Variants in UNC5C observed in about 807,000 individuals in gnomAD.
UNC5C encodes netrin receptor UNC5C.
Under a neutral mutation model 99.8 loss-of-function variants are expected in UNC5C, and 47 were observed. That is an observed-to-expected ratio of 0.47 (90% CI 0.37 to 0.60). The LOEUF (loss-of-function observed/expected upper bound fraction) is 0.60, where lower values mean the gene tolerates loss of function less well. Among genes scored for constraint, UNC5C ranks in the 20% least tolerant of loss-of-function variants. The probability of loss-of-function intolerance (pLI) is 0.00; values close to 1 mark genes in which losing one functional copy is unlikely to be tolerated. For missense variants in UNC5C, 1,062 were observed against 1,165.9 expected (o/e 0.91, Z 1.30); for synonymous variants, 487 against 452.2 (o/e 1.08, Z -0.98).
intron 1 of UNC5C, among the ~76,000 whole-genome samples, chr4:95,392,711 G>T (rs1268571546): frequency 6.6e-6 from 1 of 152,048 alleles, no homozygotes; most frequent in Non-Finnish European, 1.5e-5. Flanking sequence ...AAAGTGGTGG[G>T]ATTACAGGTA....
intron 1 of UNC5C, among the ~76,000 whole-genome samples, chr4:95,349,600 A>G (rs1743911577): frequency 6.6e-6 from 1 of 151,700 alleles, no homozygotes; most frequent in African/African-American, 2.4e-5. Context: ...AGATAGAGAA[A>G]TAAAATATTC....
intron 14 of UNC5C, 137 bp downstream of exon 14, chr4:95,182,760 T>C: frequency 1.2e-6 from 1 of 867,270 alleles, no homozygotes; most frequent in Non-Finnish European, 1.6e-6. Context: ...AATATTATTC[T>C]ATTAACAAAT....
intron 1 of UNC5C, among the ~76,000 whole-genome samples, chr4:95,442,742 C>A (rs562252536): frequency 6.6e-6 from 1 of 151,958 alleles, no homozygotes; most frequent in Admixed American, 6.6e-5. Flanking sequence ...TAATAATGCG[C>A]CAAATAATTA....
At chr4:95,390,927 A>T (rs1745338911) in intron 1 of UNC5C, among the ~76,000 whole-genome samples, 1 of 152,154 alleles carries the variant, frequency 6.6e-6, no homozygotes, top group Non-Finnish European at 1.5e-5. Flanking sequence ...CTCAAATCTC[A>T]TCTTAAATTG....
chr4:95,518,680 A>G (rs1722275863), intron 1 of UNC5C, among the ~76,000 whole-genome samples: 1 of 152,214 alleles, frequency 6.6e-6, no homozygotes, highest in African/African-American at 2.4e-5. Context: ...TCTTTAAGAT[A>G]CATGTTTTCA....
rs577378007 is a variant in UNC5C at position 95,506,565 on chromosome 4, T to A, written c.124+42169A>T. Among the ~76,000 whole-genome samples, 155 of 152,066 alleles carry A rather than the reference T, an allele frequency of 1.0e-3. 1 individual carries two copies. The highest frequency in any genetic ancestry group is 3.4e-3 in the African/African-American group (142 of 41,530). ...TATATGACGTGTTACTTTACATTTT[T>A]AAAAAAGTCGTCATGTTGAGTAAGG... On this transcript the variant is annotated intron_variant, in intron 1 of 15. Transcript: ENST00000453304.
At chr4:95,422,590 CA>C (rs1225122157) in intron 1 of UNC5C, among the ~76,000 whole-genome samples, 1 of 152,108 alleles carries the variant, frequency 6.6e-6, no homozygotes, top group Non-Finnish European at 1.5e-5. Flanking sequence ...TGCAAACTGA[CA>C]ATTCTGCAAC....
chr4:95,532,197 T>G (rs1336387285), intron 1 of UNC5C, among the ~76,000 whole-genome samples: 1 of 152,168 alleles, frequency 6.6e-6, no homozygotes, highest in Non-Finnish European at 1.5e-5. Flanking sequence ...AGTCTGAAGT[T>G]AGAGATGGAT....
chr4:95,445,399 G>A lies in UNC5C; in HGVS notation c.124+103335C>T, dbSNP rs528722373. 4.5e-4 allele frequency among the ~76,000 whole-genome samples: 68 copies of A among 151,904 alleles called. No individual in the cohort carries two copies. The South Asian group carries it at 0.014, about 31-fold the overall frequency. On this transcript the variant is annotated intron_variant, in intron 1 of 15. Transcript: ENST00000453304. ...GGGAATGCAGCTGAATGCAGTTTAG[G>A]TTTCTGTTCCGTTCGGATTCAGCTG...
chr4:95,297,218 G>C (rs750599981), intron 3 of UNC5C, among the ~76,000 whole-genome samples: 12 of 152,104 alleles, frequency 7.9e-5, no homozygotes, highest in Non-Finnish European at 2.9e-5. Context: ...CCCAACCATT[G>C]CCTTTATTCC....
At position 95,168,680 on chromosome 4, in the gene UNC5C, A is replaced by G. The variant is rs149520506; in HGVS notation, c.*554T>C. ...TGGTTCTACAAGTTCTAGAAACAGA[A>G]CACTGATGGGAGGATTATCTGAGAC... On this transcript the variant is annotated 3_prime_UTR_variant, in exon 16 of 16. Transcript: ENST00000453304. The G allele has an allele frequency of 6.7e-3, 1,024 of 153,084 alleles. 7 individuals carry two copies. The highest frequency in any genetic ancestry group is 0.01 in the Non-Finnish European group (684 of 68,274). The allele number at this position is 153,084 out of a possible 1,614,324, so 9.5% of individuals were successfully genotyped here. A position where few individuals can be genotyped will look rare whatever the true frequency, so the allele number is the denominator to read the frequency against.
chr4:95,481,736 C>A (rs1721162695), intron 1 of UNC5C, among the ~76,000 whole-genome samples: 1 of 152,074 alleles, frequency 6.6e-6, no homozygotes, highest in Non-Finnish European at 1.5e-5. Flanking sequence ...TTTGACGAAC[C>A]TGAGAAAAAC....
At chr4:95,435,530 G>A (rs1330060186) in intron 1 of UNC5C, among the ~76,000 whole-genome samples, 1 of 152,054 alleles carries the variant, frequency 6.6e-6, no homozygotes. Context: ...GAGGAACAAT[G>A]TGTGACTATA....
intron 7 of UNC5C, among the ~76,000 whole-genome samples, chr4:95,240,310 C>T (rs1025520489): frequency 2.0e-5 from 3 of 152,080 alleles, no homozygotes; most frequent in South Asian, 2.1e-4. Context: ...AAGACTTTGG[C>T]AGTAATGCTG....
chr4:95,461,898 T>C (rs879447884), intron 1 of UNC5C, among the ~76,000 whole-genome samples: 5 of 152,230 alleles, frequency 3.3e-5, no homozygotes, highest in Non-Finnish European at 5.9e-5. Flanking sequence ...TTTACCCAAA[T>C]AAAATGAAAC....
intron 7 of UNC5C, among the ~76,000 whole-genome samples, chr4:95,226,969 A>G (rs1012062780): frequency 3.9e-5 from 6 of 152,114 alleles, no homozygotes; most frequent in African/African-American, 1.4e-4. Context: ...CTTGATAACA[A>G]CTTTCAAAAT....
intron 3 of UNC5C, among the ~76,000 whole-genome samples, chr4:95,279,979 G>A (rs962286723): frequency 1.3e-5 from 2 of 152,142 alleles, no homozygotes; most frequent in Non-Finnish European, 2.9e-5. Context: ...AGTTCACATA[G>A]GGTTCATGCT....
chr4:95,310,652 T>G (rs1742243324), intron 2 of UNC5C, among the ~76,000 whole-genome samples: 1 of 152,156 alleles, frequency 6.6e-6, no homozygotes, highest in Non-Finnish European at 1.5e-5. Flanking sequence ...CTTGGAAGCA[T>G]TTCTAGGTCA....
intron 2 of UNC5C, among the ~76,000 whole-genome samples, chr4:95,321,841 T>C (rs565536866): frequency 1.3e-5 from 2 of 152,208 alleles, no homozygotes; most frequent in Non-Finnish European, 2.9e-5. Flanking sequence ...TCAGATTAAC[T>C]CAGTGAAACA....
Sources: gnomAD v4.1 joint callset for allele counts (sites outside exome capture counted in the v4.1 genomes callset) on GRCh38, gnomAD v4.1.1 for gene constraint, MANE v1.5 for transcripts, NCBI Gene and HGNC (gene_info 2026-07-23, HGNC 2026-07-21) for gene names.